Variants in DCAF10 observed in about 807,000 individuals in gnomAD.
The protein encoded by DCAF10 is DDB1- and CUL4-associated factor 10.
In DCAF10, 19 loss-of-function variants were observed where a neutral mutation model predicts 51.9. That is an observed-to-expected ratio of 0.37 (90% confidence interval 0.26 to 0.54). DCAF10 has a LOEUF of 0.54. Ranked by LOEUF, DCAF10 falls within the 20% of genes least tolerant of loss-of-function variation. The pLI, the probability that DCAF10 is intolerant of heterozygous loss-of-function variation, is 0.87. For synonymous variants in DCAF10, 291 were observed against 297.1 expected, an observed-to-expected ratio of 0.98 and a Z score of 0.21; for missense variants, 510 against 730.6, an observed-to-expected ratio of 0.70 and a Z score of 3.48.
At position 37,861,684 on chromosome 9, in the gene DCAF10, A is replaced by ATC. The variant is rs3831055; in HGVS notation, c.*179_*180dup. Reference sequence around the variant, plus strand: ...CTTGGTCATCCAGCATCATACAGGCATCTCCAAGTTAGACTCTATGCAGCA... The same window carrying ATC: ...CTTGGTCATCCAGCATCATACAGGCATCTCTCCAAGTTAGACTCTATGCAGCA... On this transcript the variant is annotated 3_prime_UTR_variant, in exon 7 of 7. Transcript: ENST00000377724. This position sits in a 1 kb window ranked among gnomAD's most constrained non-coding sequence, Gnocchi z 4.9. 0.13 allele frequency: 107,135 copies of ATC among 803,938 alleles called. 8,585 individuals are homozygous for ATC. The highest frequency in any genetic ancestry group is 0.15 in the Non-Finnish European group (78,876 of 527,578). 49.8% of individuals were successfully genotyped at this position (803,938 alleles called of 1,614,324 possible).
intron 1 of DCAF10, among the ~76,000 whole-genome samples, chr9:37,817,720 G>T (rs996142638): frequency 6.6e-6 from 1 of 151,550 alleles, no homozygotes; most frequent in Non-Finnish European, 1.5e-5. Context: ...GAGCAACATA[G>T]TGTGATCCCA....
intron 1 of DCAF10, among the ~76,000 whole-genome samples, chr9:37,807,958 G>C (rs1471486933): frequency 6.6e-6 from 1 of 151,944 alleles, no homozygotes; most frequent in Non-Finnish European, 1.5e-5. Context: ...CACTGTGCCT[G>C]GCCTGAATTT....
At chr9:37,807,660 T>C (rs1324745582) in intron 1 of DCAF10, among the ~76,000 whole-genome samples, 2 of 7,866 alleles carry the variant, frequency 2.5e-4, no homozygotes, top group African/African-American at 5.7e-4. Flanking sequence ...TTTCTTTTCT[T>C]TTTTTTTTTT....
chr9:37,850,819 A>T (rs1830608765), intron 3 of DCAF10, among the ~76,000 whole-genome samples: 1 of 65,802 alleles, frequency 1.5e-5, no homozygotes, highest in Non-Finnish European at 3.3e-5. Flanking sequence ...GTATGTGAGG[A>T]TATATTTTAT....
intron 1 of DCAF10, among the ~76,000 whole-genome samples, chr9:37,818,509 T>C (rs1383664119): frequency 1.3e-5 from 2 of 152,128 alleles, no homozygotes; most frequent in Admixed American, 6.5e-5. Context: ...TAAAATACAA[T>C]AGATTTTCAC....
chr9:37,851,281 C>G (rs1587123940), intron 3 of DCAF10, among the ~76,000 whole-genome samples: 1 of 151,974 alleles, frequency 6.6e-6, no homozygotes, highest in Non-Finnish European at 1.5e-5. Context: ...CTCCTGGGCT[C>G]AAGCCATCCT....
chr9:37,850,039 A>G (rs1389217175), intron 3 of DCAF10, among the ~76,000 whole-genome samples: 1 of 152,212 alleles, frequency 6.6e-6, no homozygotes, highest in Non-Finnish European at 1.5e-5. Context: ...AGGCTGGGCA[A>G]GAGATTGACA....
intron 1 of DCAF10, among the ~76,000 whole-genome samples, chr9:37,814,321 T>G (rs1279672098): frequency 6.5e-5 from 9 of 137,464 alleles, no homozygotes; most frequent in Non-Finnish European, 1.2e-4. Flanking sequence ...TTTTTTTTTT[T>G]TGTATTTTTA....
At chr9:37,838,503 A>T (rs1211591927) in intron 2 of DCAF10, among the ~76,000 whole-genome samples, 1 of 152,146 alleles carries the variant, frequency 6.6e-6, no homozygotes, top group Non-Finnish European at 1.5e-5. Flanking sequence ...ATACATAGGG[A>T]TGTGATTAAT....
chr9:37,801,461 C>T lies in DCAF10; in HGVS notation c.539+56C>T, dbSNP rs1828940945. The T allele has an allele frequency of 2.9e-6, 4 of 1,363,590 alleles. No homozygotes were observed. The highest frequency in any genetic ancestry group is 6.1e-5 in the East Asian group (2 of 32,624). 84.5% of individuals were successfully genotyped at this position (1,363,590 alleles called of 1,614,324 possible). A position where few individuals can be genotyped will look rare whatever the true frequency, so the allele number is the denominator to read the frequency against. On this transcript the variant is annotated intron_variant, in intron 1 of 6. Transcript: ENST00000377724. This position sits in a 1 kb window ranked among gnomAD's most constrained non-coding sequence, Gnocchi z 5.5. Reference sequence around the variant, plus strand: ...CGCCTCCGCCCGGCTCTGCTGCCAGCGGACGGCCGTCCTGGGCTCGCTCCC... The same window carrying T: ...CGCCTCCGCCCGGCTCTGCTGCCAGTGGACGGCCGTCCTGGGCTCGCTCCC...
intron 1 of DCAF10, among the ~76,000 whole-genome samples, chr9:37,803,612 G>A (rs1829023416): frequency 6.7e-6 from 1 of 149,902 alleles, no homozygotes; most frequent in Non-Finnish European, 1.5e-5. Context: ...GTTTATCAGG[G>A]TGATGAGTGA....
intron 6 of DCAF10, chr9:37,860,412 C>T (rs1179629784): frequency 4.0e-6 from 2 of 505,998 alleles, no homozygotes; most frequent in Admixed American, 3.7e-5. Flanking sequence ...TGGGGTTGAG[C>T]AAGGTGGGAG....
At chr9:37,834,824 T>A (rs1830107382) in intron 2 of DCAF10, among the ~76,000 whole-genome samples, 1 of 150,816 alleles carries the variant, frequency 6.6e-6, no homozygotes. Context: ...GTTTCACTCA[T>A]GTCGCCCAGG....
chr9:37,848,956 C>T (rs1232140991), intron 3 of DCAF10, among the ~76,000 whole-genome samples: 1 of 139,570 alleles, frequency 7.2e-6, no homozygotes, highest in East Asian at 2.0e-4. Context: ...CTGGGCGACA[C>T]AGCGAGACTC....
chr9:37,811,863 G>A (rs1829357358), intron 1 of DCAF10, among the ~76,000 whole-genome samples: 1 of 152,104 alleles, frequency 6.6e-6, no homozygotes, highest in African/African-American at 2.4e-5. Context: ...GTAGATTCAA[G>A]AAAGGCTATA....
intron 5 of DCAF10, among the ~76,000 whole-genome samples, chr9:37,858,289 C>T (rs1277923654): frequency 6.6e-6 from 1 of 152,176 alleles, no homozygotes; most frequent in Non-Finnish European, 1.5e-5. Context: ...AAAGGCTCCT[C>T]CTCTTAAATT....
rs1021822622 is a variant in DCAF10, at chr9:37,863,591, G to T, written c.*2083G>T. The T allele has an allele frequency of 6.6e-6, 1 of 152,092 alleles. No individual in the cohort carries two copies. Among genetic ancestry groups the T allele is most frequent in the Non-Finnish European group, 1.5e-5 (1 of 68,018 alleles). The allele number at this position is 152,092 out of a possible 1,614,324, so 9.4% of individuals were successfully genotyped here. A position where few individuals can be genotyped will look rare whatever the true frequency, so the allele number is the denominator to read the frequency against. ...CCTTGGTCAGGGCAATTTCTACTGT[G>T]TTATGCTGTCTGTTAGAAATAATGA... On this transcript the variant is annotated 3_prime_UTR_variant, in exon 7 of 7. Transcript: ENST00000377724.
At position 37,867,002 on chromosome 9, in the gene DCAF10, C is replaced by T. The variant is rs559197269; in HGVS notation, c.*5494C>T. 1 of 152,250 alleles carries T rather than the reference C, an allele frequency of 6.6e-6. No homozygotes were observed. Among genetic ancestry groups the T allele is most frequent in the East Asian group, 1.9e-4 (1 of 5,190 alleles). 9.4% of individuals were successfully genotyped at this position (152,250 alleles called of 1,614,324 possible). ...ATTATCACGTATTGTTACAAAGACA[C>T]AGTTTTGTCTCATTATAAAATAAGA... is the stretch of plus-strand genomic sequence containing the variant. On this transcript the variant is annotated 3_prime_UTR_variant, in exon 7 of 7. Coordinates refer to ENST00000377724, the MANE Select transcript of DCAF10 (RefSeq NM_024345.5).
chr9:37,855,930 C>T (rs986147604), intron 4 of DCAF10, among the ~76,000 whole-genome samples: 4 of 152,110 alleles, frequency 2.6e-5, no homozygotes, highest in African/African-American at 9.7e-5. Flanking sequence ...GTGAGCAGAT[C>T]GCTTGAGCCC....
Sources: allele counts gnomAD v4.1 joint callset (sites outside exome capture counted in the v4.1 genomes callset), GRCh38; gene constraint gnomAD v4.1.1; non-coding constraint Gnocchi (gnomAD v3.1); transcripts MANE v1.5; gene names NCBI Gene and HGNC (gene_info 2026-07-23, HGNC 2026-07-21).